Variants in RPS6KA2 observed in about 807,000 individuals in gnomAD.
The protein encoded by RPS6KA2 is ribosomal protein S6 kinase alpha-2.
A neutral mutation model predicts 91.8 loss-of-function variants in RPS6KA2; 42 were observed. The observed-to-expected ratio is 0.46, with a 90% CI of 0.36 to 0.59. RPS6KA2 has a LOEUF of 0.59. RPS6KA2 is among the 20% of genes least tolerant of loss of function. RPS6KA2 has a pLI of 0.00. For missense variants in RPS6KA2, 798 were observed against 978.5 expected (o/e 0.82, Z 2.46); for synonymous variants, 414 against 393.6 (o/e 1.05, Z -0.61).
Position 166,767,774 on chromosome 6 carries a change from A to C in RPS6KA2, c.123+90426T>G, listed in dbSNP as rs1036318657. Among the ~76,000 whole-genome samples the C allele has an allele frequency of 1.8e-4, 26 of 146,958 alleles. No individual in the cohort carries two copies. The highest frequency in any genetic ancestry group is 6.8e-4 in the Admixed American group (10 of 14,814). On this transcript the variant is annotated intron_variant, in intron 2 of 21. Transcript: ENST00000503859. The surrounding 1 kb of genome is among the most constrained non-coding windows in gnomAD (Gnocchi z 4.6). The stretch of plus-strand genomic sequence containing the variant: ...AAGAACTAAAGACAATACCTCCTCA[A>C]ACACACACACACACACACACACACA...
chr6:166,820,056 C>A (rs1779866248), intron 2 of RPS6KA2, among the ~76,000 whole-genome samples: 2 of 152,178 alleles, frequency 1.3e-5, no homozygotes, highest in African/African-American at 2.4e-5. Context: ...GTAGCTGGAG[C>A]AGTTTTCAGT....
chr6:166,711,952 A>G (rs1169182777), intron 2 of RPS6KA2, among the ~76,000 whole-genome samples: 2 of 152,212 alleles, frequency 1.3e-5, no homozygotes, highest in Non-Finnish European at 2.9e-5. Flanking sequence ...ACAAGTTCAT[A>G]TATTACCAGT....
chr6:166,466,891 C>CTCACTCCCTTACTCAT (rs1554277327), intron 11 of RPS6KA2, among the ~76,000 whole-genome samples: 4 of 150,704 alleles, frequency 2.7e-5, no homozygotes, highest in East Asian at 2.0e-4. Flanking sequence ...CACTCATTCA[C>CTCACTCCCTTACTCAT]TCACTCCCTC....
chr6:166,781,900 C>T (rs1291114797), intron 2 of RPS6KA2, among the ~76,000 whole-genome samples: 1 of 152,174 alleles, frequency 6.6e-6, no homozygotes, highest in Non-Finnish European at 1.5e-5. Context: ...GGGGCCTGTC[C>T]TGTGCATGCT....
At chr6:166,415,534 C>T (rs2128436728) in intron 19 of RPS6KA2, among the ~76,000 whole-genome samples, 1 of 152,150 alleles carries the variant, frequency 6.6e-6, no homozygotes, top group Admixed American at 6.5e-5. Flanking sequence ...GTTGGTGAGG[C>T]CCTGTGAGGC....
intron 1 of RPS6KA2, among the ~76,000 whole-genome samples, chr6:166,559,995 T>C (rs1784292817): frequency 6.6e-6 from 1 of 152,182 alleles, no homozygotes; most frequent in South Asian, 2.1e-4. Flanking sequence ...CATGTGAACT[T>C]ACAAAGATGC....
rs370337680 is a variant in RPS6KA2 at position 166,811,869 on chromosome 6, G to C, written c.123+46331C>G. On this transcript the variant is annotated intron_variant, in intron 2 of 21. Coordinates refer to the RPS6KA2 transcript ENST00000503859. ...TCAAAAATTAAAATTCACTTAACAA[G>C]AAAATTATATTGAACACAATACATT... Among the ~76,000 whole-genome samples the C allele has an allele frequency of 3.3e-5, 5 of 152,230 alleles. No individual in the cohort carries two copies. The East Asian group carries it at 9.6e-4, about 29-fold the overall frequency.
chr6:166,441,088 T>C (rs1779505534), intron 14 of RPS6KA2, among the ~76,000 whole-genome samples: 1 of 152,210 alleles, frequency 6.6e-6, no homozygotes, highest in African/African-American at 2.4e-5. Flanking sequence ...GGAAGAGAAA[T>C]TTATGCCACC....
At chr6:166,746,025 A>G (rs1790997466) in intron 2 of RPS6KA2, among the ~76,000 whole-genome samples, 1 of 152,172 alleles carries the variant, frequency 6.6e-6, no homozygotes, top group Non-Finnish European at 1.5e-5. Context: ...GTGAGTCTCT[A>G]AGAAGTATCC....
chr6:166,860,776 G>A (rs1011824995), intron 1 of RPS6KA2, among the ~76,000 whole-genome samples: 7 of 152,132 alleles, frequency 4.6e-5, no homozygotes, highest in Admixed American at 6.5e-5. Context: ...TCACTTGCTC[G>A]TTCACTAATT....
At chr6:166,507,807 A>G (rs1407927262) in intron 5 of RPS6KA2, among the ~76,000 whole-genome samples, 1 of 150,606 alleles carries the variant, frequency 6.6e-6, no homozygotes, top group African/African-American at 2.5e-5. Context: ...TTATCACATG[A>G]CACATGCACA....
In RPS6KA2 at chr6:166,821,495, C is replaced by T. The variant is rs73037491; in HGVS notation, c.123+36705G>A. ...ATCCCGGCTTCTCCTGTAAACGCTG[C>T]AGTCAGTCTCCATCCTTAGCCTGGC... is the stretch of plus-strand genomic sequence containing the variant. On this transcript the variant is annotated intron_variant, in intron 2 of 21. Coordinates refer to the RPS6KA2 transcript ENST00000503859. The surrounding 1 kb of genome is among the most constrained non-coding windows in gnomAD (Gnocchi z 4.1). 9.5e-3 allele frequency among the ~76,000 whole-genome samples: 1,448 copies of T among 152,264 alleles called. 13 individuals are homozygous for T. The highest frequency in any genetic ancestry group is 0.015 in the Non-Finnish European group (991 of 68,008).
rs563889852 is a variant in RPS6KA2, at chr6:166,490,105, T to C, written c.818+566A>G. Among the ~76,000 whole-genome samples, 74 of 152,264 alleles carry C rather than the reference T, an allele frequency of 4.9e-4. No homozygotes were observed. The highest frequency in any genetic ancestry group is 1.7e-3 in the African/African-American group (72 of 41,548). ...ACAGTCCAAGAGCAAAACCTTGGCT[T>C]AGTAAATGATTTTTCATGAGAATTA... On this transcript the variant is annotated intron_variant, in intron 9 of 20. Coordinates refer to ENST00000265678, the MANE Select transcript of RPS6KA2 (RefSeq NM_021135.6). This position sits in a 1 kb window ranked among gnomAD's most constrained non-coding sequence, Gnocchi z 4.2.
intron 2 of RPS6KA2, among the ~76,000 whole-genome samples, chr6:166,688,664 C>T (rs867344903): frequency 5.9e-5 from 9 of 152,352 alleles, no homozygotes; most frequent in South Asian, 2.1e-4. Context: ...AGAGCGACAG[C>T]GTCAGCGTGA....
chr6:166,430,302 G>T, intron 16 of RPS6KA2, 151 bp downstream of exon 16: 1 of 746,832 alleles, frequency 1.3e-6, no homozygotes. Flanking sequence ...CACCGTCACT[G>T]AGCCTCCAGA....
chr6:166,748,583 GGCCCCCA>G (rs1251064794), intron 2 of RPS6KA2, among the ~76,000 whole-genome samples: 5 of 68,568 alleles, frequency 7.3e-5, no homozygotes, highest in African/African-American at 2.7e-4. Flanking sequence ...CACCTCCTCG[GGCCCCCA>G]TTTCCTCAGG....
At chr6:166,553,514 T>TAA (rs11348364) in intron 1 of RPS6KA2, among the ~76,000 whole-genome samples, 8 of 136,266 alleles carry the variant, frequency 5.9e-5, no homozygotes, top group South Asian at 4.7e-4. Context: ...AGGAGTCATT[T>TAA]AAAAAAAAAA....
chr6:166,721,497 ACTT>A (rs1790172406), intron 2 of RPS6KA2, among the ~76,000 whole-genome samples: 1 of 152,206 alleles, frequency 6.6e-6, no homozygotes, highest in Non-Finnish European at 1.5e-5. Context: ...GAATTTTAAA[ACTT>A]CTAGAAGATC....
At chr6:166,599,750 A>G (rs2128525453) in intron 1 of RPS6KA2, among the ~76,000 whole-genome samples, 1 of 152,358 alleles carries the variant, frequency 6.6e-6, no homozygotes, top group South Asian at 2.1e-4. Flanking sequence ...TGTTAGCCCA[A>G]TATGCGCTCA....
Sources: allele counts gnomAD v4.1 joint callset (sites outside exome capture counted in the v4.1 genomes callset), GRCh38; gene constraint gnomAD v4.1.1; non-coding constraint Gnocchi (gnomAD v3.1); transcripts MANE v1.5; gene names NCBI Gene and HGNC (gene_info 2026-07-23, HGNC 2026-07-21).